Variants in CCDC169 observed in about 807,000 individuals in gnomAD.
CCDC169 encodes the protein coiled-coil domain containing 169.
CCDC169 carries 30 observed loss-of-function variants against 36.0 expected under a neutral mutation model. The observed-to-expected ratio is 0.83, with a 90% CI of 0.62 to 1.13. The LOEUF is 1.13. Among genes scored for constraint, CCDC169 ranks in the 50% most tolerant of loss-of-function variants. CCDC169 has a pLI of 0.00. For missense variants in CCDC169, 245 were observed against 245.9 expected (o/e 1.00, Z 0.03); for synonymous variants, 85 against 81.5 (o/e 1.04, Z -0.23).
intron 2 of CCDC169, among the ~76,000 whole-genome samples, chr13:36,284,958 G>A (rs556891303): frequency 1.3e-4 from 20 of 152,136 alleles, no homozygotes; most frequent in African/African-American, 4.6e-4. Context: ...CAAAAGCTTT[G>A]GAAAGGTACA....
chr13:36,231,674 A>G (rs1241877529), intron 7 of CCDC169, among the ~76,000 whole-genome samples: 6 of 151,990 alleles, frequency 3.9e-5, no homozygotes, highest in African/African-American at 1.5e-4. Flanking sequence ...CCTTCCTTAC[A>G]CTCTGACTTG....
At chr13:36,229,827 G>A (rs1870227579), downstream of CCDC169, among the ~76,000 whole-genome samples, 1 of 151,940 alleles carries the variant, frequency 6.6e-6, no homozygotes, top group Non-Finnish European at 1.5e-5. Flanking sequence ...ACAGGTGTGA[G>A]CCACCACACC....
rs1028027301 is a variant in CCDC169 at position 36,292,041 on chromosome 13, T to G, written c.163+3737A>C. On this transcript the variant is annotated intron_variant, in intron 2 of 7. Coordinates refer to ENST00000239859, the MANE Select transcript of CCDC169 (RefSeq NM_001144981.3). Reference sequence around the variant, plus strand: ...CTCGTTCTTGTCATCCAGGCTGGAGTGCAATGGTGCAATCTTTGCTCACTG... The same window carrying G: ...CTCGTTCTTGTCATCCAGGCTGGAGGGCAATGGTGCAATCTTTGCTCACTG... Among the ~76,000 whole-genome samples the G allele has an allele frequency of 2.7e-5, 4 of 150,758 alleles. No individual in the cohort carries two copies. The Admixed American group carries it at 2.7e-4, about 10-fold the overall frequency.
At chr13:36,289,184 C>T (rs957616109) in intron 2 of CCDC169, among the ~76,000 whole-genome samples, 1 of 152,080 alleles carries the variant, frequency 6.6e-6, no homozygotes, top group Admixed American at 6.5e-5. Context: ...CTTTTAAAAG[C>T]TTCTCAGAAT....
At position 36,254,083 on chromosome 13, in the gene CCDC169, C is replaced by T. The variant is rs946361752; in HGVS notation, c.376G>A (p.Val126Met). Reference protein sequence around the residue: ...EEEKKTLESQVKYYALKLEQE... With the variant: ...EEEKKTLESQMKYYALKLEQE... ...TCCAGTTTAAGTGCATAGTATTTCA[C>T]TTGACTTTCAAGAGTCTTCTTTTCT... The change falls in exon 5 of 8, where the codon GTG becomes ATG. Residue 126 changes from valine (V) to methionine (M), a missense_variant. Coordinates refer to ENST00000239859, the MANE Select transcript of CCDC169 (RefSeq NM_001144981.3). The T allele has an allele frequency of 3.9e-6, 6 of 1,548,676 alleles. No homozygotes were observed. Among genetic ancestry groups the T allele is most frequent in the Admixed American group, 2.0e-5 (1 of 50,310 alleles).
intron 4 of CCDC169, among the ~76,000 whole-genome samples, chr13:36,277,338 C>T (rs764806481): frequency 6.6e-6 from 1 of 151,960 alleles, no homozygotes. Flanking sequence ...GAGTGGAGAG[C>T]ATTAGGAAAA....
At chr13:36,262,738 T>G (rs190041644) in intron 4 of CCDC169, among the ~76,000 whole-genome samples, 12 of 152,292 alleles carry the variant, frequency 7.9e-5, no homozygotes, top group Middle Eastern at 6.8e-3. Flanking sequence ...AAAAGGGCCA[T>G]CTAACTATAG....
chr13:36,222,829 T>TAATA (rs57727797), downstream of CCDC169: 61,372 of 151,722 alleles, frequency 0.4, 13,152 homozygotes, highest in Non-Finnish European at 0.48. Flanking sequence ...AAAGATACTG[T>TAATA]GTAAGTATGC....
chr13:36,254,168 T>C, intron 4 of CCDC169, 25 bp from the exon 5 acceptor site: 5 of 1,436,638 alleles, frequency 3.5e-6, no homozygotes, highest in Non-Finnish European at 4.7e-6. Flanking sequence ...AGTAAAATTT[T>C]ATATGTACTC....
At chr13:36,243,731 A>C (rs1872150445) in intron 7 of CCDC169, among the ~76,000 whole-genome samples, 1 of 152,192 alleles carries the variant, frequency 6.6e-6, no homozygotes, top group Non-Finnish European at 1.5e-5. Context: ...ACTTGAACCC[A>C]GGAGGCAGAG....
chr13:36,277,444 A>C (rs886746150), intron 4 of CCDC169, among the ~76,000 whole-genome samples: 1 of 152,188 alleles, frequency 6.6e-6, no homozygotes, highest in Non-Finnish European at 1.5e-5. Flanking sequence ...AAACCTGCAC[A>C]TCCTGCACAT....
chr13:36,240,664 A>C, intron 7 of CCDC169: 1 of 1,272,366 alleles, frequency 7.9e-7, no homozygotes, highest in Non-Finnish European at 1.0e-6. Flanking sequence ...AGTCACTTTA[A>C]AACTGTTCAT....
chr13:36,230,678 T>G, downstream of CCDC169: 1 of 769,332 alleles, frequency 1.3e-6, no homozygotes, highest in South Asian at 5.9e-5. Context: ...CCTAAGTTCA[T>G]GGCAGAGTGG....
chr13:36,249,914 T>C (rs546693281), intron 6 of CCDC169, among the ~76,000 whole-genome samples: 5 of 152,118 alleles, frequency 3.3e-5, no homozygotes, highest in African/African-American at 1.2e-4. Context: ...TCATTTGATA[T>C]GAGTGACAGG....
chr13:36,238,400 A>G (rs922098092), intron 7 of CCDC169, among the ~76,000 whole-genome samples: 1 of 152,168 alleles, frequency 6.6e-6, no homozygotes, highest in Non-Finnish European at 1.5e-5. Flanking sequence ...CCAAAGTGCT[A>G]AGGATACAGA....
chr13:36,227,116 C>G, downstream of CCDC169: 1 of 866,004 alleles, frequency 1.2e-6, no homozygotes, highest in Non-Finnish European at 1.7e-6. Context: ...CCAATCTTTT[C>G]TGTACAATTT....
chr13:36,278,643 A>G (rs1260857272), intron 4 of CCDC169, among the ~76,000 whole-genome samples: 1 of 151,930 alleles, frequency 6.6e-6, no homozygotes, highest in African/African-American at 2.4e-5. Context: ...TCCTTTCTCA[A>G]TATTTTTCCT....
chr13:36,232,765 G>A (rs1191789561), intron 7 of CCDC169, among the ~76,000 whole-genome samples: 1 of 151,816 alleles, frequency 6.6e-6, no homozygotes, highest in Non-Finnish European at 1.5e-5. Context: ...CAGGCATGGT[G>A]CTGCATGCCT....
At chr13:36,233,422 A>G (rs2138385826) in intron 7 of CCDC169, among the ~76,000 whole-genome samples, 1 of 152,296 alleles carries the variant, frequency 6.6e-6, no homozygotes, top group South Asian at 2.1e-4. Flanking sequence ...AGAAGAGACA[A>G]GAAAACATGG....
Sources: gnomAD v4.1 joint callset for allele counts (sites outside exome capture counted in the v4.1 genomes callset) on GRCh38, gnomAD v4.1.1 for gene constraint, MANE v1.5 for transcripts, NCBI Gene and HGNC (gene_info 2026-07-23, HGNC 2026-07-21) for gene names.